Variants in CNTN5 observed in about 807,000 individuals in gnomAD.
The protein encoded by CNTN5 is contactin 5, also known as contactin-5.
Under a neutral mutation model 129.1 loss-of-function variants are expected in CNTN5, and 77 were observed. The observed-to-expected ratio is 0.60, with a 90% confidence interval of 0.50 to 0.72. CNTN5 has a LOEUF of 0.72. Among genes scored for constraint, CNTN5 ranks in the 30% least tolerant of loss-of-function variants. The probability of loss-of-function intolerance (pLI) is 0.00; values close to 1 mark genes in which losing one functional copy is unlikely to be tolerated. For missense variants in CNTN5, 1,478 were observed against 1,328.8 expected (o/e 1.11, Z -1.75); for synonymous variants, 509 against 465.6 (o/e 1.09, Z -1.20).
chr11:99,554,296 C>G (rs1379958193), intron 2 of CNTN5, among the ~76,000 whole-genome samples: 1 of 152,056 alleles, frequency 6.6e-6, no homozygotes, highest in Non-Finnish European at 1.5e-5. Flanking sequence ...CCTTGTCAGT[C>G]TTTCCACACT....
intron 6 of CNTN5, among the ~76,000 whole-genome samples, chr11:99,855,343 T>C (rs1947999840): frequency 6.6e-6 from 1 of 152,114 alleles, no homozygotes; most frequent in Admixed American, 6.6e-5. Flanking sequence ...AACAAAACTT[T>C]GGGTTTTGAG....
chr11:99,999,493 A>C (rs1374555500), intron 8 of CNTN5, among the ~76,000 whole-genome samples: 1 of 152,214 alleles, frequency 6.6e-6, no homozygotes, highest in African/African-American at 2.4e-5. Context: ...CGATCATTAA[A>C]AAGTCAGGAA....
At chr11:99,798,723 C>T (rs1297422909) in intron 3 of CNTN5, among the ~76,000 whole-genome samples, 1 of 151,928 alleles carries the variant, frequency 6.6e-6, no homozygotes, top group Non-Finnish European at 1.5e-5. Flanking sequence ...GTTCTTTTTG[C>T]TTGTGATTGC....
intron 3 of CNTN5, among the ~76,000 whole-genome samples, chr11:99,566,918 A>C (rs1949023856): frequency 6.6e-6 from 1 of 152,182 alleles, no homozygotes; most frequent in Non-Finnish European, 1.5e-5. Flanking sequence ...TCAACATCCT[A>C]AATTTACCTA....
intron 6 of CNTN5, among the ~76,000 whole-genome samples, chr11:99,853,667 A>G (rs897658276): frequency 6.6e-6 from 1 of 152,132 alleles, no homozygotes; most frequent in African/African-American, 2.4e-5. Context: ...GGCCTGAGCC[A>G]CTGCACCCGG....
chr11:99,257,595 T>C (rs1299482562), intron 1 of CNTN5, among the ~76,000 whole-genome samples: 1 of 152,078 alleles, frequency 6.6e-6, no homozygotes, highest in Non-Finnish European at 1.5e-5. Context: ...TTTTTAATAT[T>C]GAAATGGTTA....
chr11:100,018,478 T>C (rs1299581704), intron 9 of CNTN5, among the ~76,000 whole-genome samples: 1 of 152,000 alleles, frequency 6.6e-6, no homozygotes, highest in African/African-American at 2.4e-5. Flanking sequence ...TTAAGATTCA[T>C]ACAAGTTGTT....
intron 7 of CNTN5, among the ~76,000 whole-genome samples, chr11:99,951,581 C>T (rs1349861579): frequency 3.9e-5 from 6 of 152,072 alleles, no homozygotes; most frequent in African/African-American, 1.4e-4. Flanking sequence ...GATTGGACTA[C>T]CTAAAATTTA....
At chr11:100,254,490 T>A (rs1486225058) in intron 16 of CNTN5, among the ~76,000 whole-genome samples, 1 of 152,206 alleles carries the variant, frequency 6.6e-6, no homozygotes, top group Non-Finnish European at 1.5e-5. Flanking sequence ...TGCCCACGAT[T>A]CCAACTTTCG....
At chr11:99,909,511 C>T (rs1179238039) in intron 6 of CNTN5, among the ~76,000 whole-genome samples, 2 of 152,030 alleles carry the variant, frequency 1.3e-5, no homozygotes, top group African/African-American at 2.4e-5. Context: ...CATATACACA[C>T]GTTATGTTTA....
chr11:99,427,737 G>A (rs1430322937), intron 2 of CNTN5, among the ~76,000 whole-genome samples: 14 of 121,454 alleles, frequency 1.2e-4, no homozygotes, highest in Non-Finnish European at 2.0e-4. Flanking sequence ...CTGCACTCCA[G>A]CCTGGGTGAC....
At chr11:99,845,597 C>T (rs1308817715) in intron 6 of CNTN5, among the ~76,000 whole-genome samples, 5 of 151,938 alleles carry the variant, frequency 3.3e-5, no homozygotes, top group East Asian at 3.9e-4. Flanking sequence ...TGGTGTCGAT[C>T]TCCTGACCTC....
At chr11:99,956,420 A>G (rs775760851) in intron 7 of CNTN5, among the ~76,000 whole-genome samples, 9 of 152,116 alleles carry the variant, frequency 5.9e-5, no homozygotes, top group Non-Finnish European at 8.8e-5. Context: ...TAAGGTCTAT[A>G]TCTGTATCTT....
At chr11:99,768,330 C>T (rs984161415) in intron 3 of CNTN5, among the ~76,000 whole-genome samples, 1 of 152,048 alleles carries the variant, frequency 6.6e-6, no homozygotes, top group Non-Finnish European at 1.5e-5. Flanking sequence ...TATTATAATA[C>T]TTCAGCATGT....
At chr11:99,613,930 A>T (rs1591362821) in intron 3 of CNTN5, among the ~76,000 whole-genome samples, 1 of 152,238 alleles carries the variant, frequency 6.6e-6, no homozygotes, top group East Asian at 1.9e-4. Context: ...TTTGCTAAAA[A>T]TATTGGAATG....
chr11:99,596,739 A>C (rs971672239), intron 3 of CNTN5, among the ~76,000 whole-genome samples: 1 of 152,200 alleles, frequency 6.6e-6, no homozygotes, highest in African/African-American at 2.4e-5. Flanking sequence ...CACTACTGGA[A>C]TACTTGAAGT....
chr11:100,074,003 A>G (rs1944029679), intron 12 of CNTN5, 141 bp from the exon 13 acceptor site: 3 of 676,002 alleles, frequency 4.4e-6, no homozygotes, highest in Admixed American at 3.2e-5. Context: ...ATTTTGAGCT[A>G]CTGCCTTTTT....
chr11:99,628,430 T>G (rs1192945254), intron 3 of CNTN5, among the ~76,000 whole-genome samples: 1 of 152,064 alleles, frequency 6.6e-6, no homozygotes, highest in Non-Finnish European at 1.5e-5. Flanking sequence ...CATCTGTTAT[T>G]CCTGAGATCA....
intron 12 of CNTN5, 42 bp from the exon 13 acceptor site, chr11:100,074,102 G>A (rs1469043329): frequency 1.3e-6 from 2 of 1,574,582 alleles, no homozygotes; most frequent in African/African-American, 2.7e-5. Flanking sequence ...AGAGATTATT[G>A]TCATTGCTTC....
Sources: gnomAD v4.1 joint callset for allele counts (sites outside exome capture counted in the v4.1 genomes callset) on GRCh38, gnomAD v4.1.1 for gene constraint, MANE v1.5 for transcripts, NCBI Gene and HGNC (gene_info 2026-07-23, HGNC 2026-07-21) for gene names.